NOCT: variants seen among roughly 807,000 people sequenced by gnomAD.
NOCT encodes nocturnin.
Under a neutral mutation model 35.0 loss-of-function variants are expected in NOCT, and 18 were observed. The observed-to-expected ratio is 0.51, with a 90% CI of 0.36 to 0.76. NOCT has a LOEUF of 0.76. Ranked by LOEUF, NOCT falls within the 30% of genes least tolerant of loss-of-function variation. The pLI is 0.01. For missense variants in NOCT, 479 were observed against 541.0 expected (o/e 0.89, Z 1.14); for synonymous variants, 235 against 226.3 (o/e 1.04, Z -0.34).
intron 1 of NOCT, among the ~76,000 whole-genome samples, chr4:139,030,715 T>C (rs1027803295): frequency 6.6e-6 from 1 of 152,216 alleles, no homozygotes; most frequent in African/African-American, 2.4e-5. Flanking sequence ...CTCGTTTGTA[T>C]TGAAGATGGC....
At chr4:139,017,991 A>G (rs540746075) in intron 1 of NOCT, among the ~76,000 whole-genome samples, 6 of 152,084 alleles carry the variant, frequency 3.9e-5, no homozygotes, top group Non-Finnish European at 8.8e-5. Flanking sequence ...GGAAGCCACC[A>G]TGCCCAACTT....
intron 1 of NOCT, among the ~76,000 whole-genome samples, chr4:139,024,547 T>C (rs988183396): frequency 1.3e-5 from 2 of 152,182 alleles, no homozygotes; most frequent in Non-Finnish European, 2.9e-5. Flanking sequence ...GTTTCTCCTT[T>C]AGGCCTCTTT....
intron 1 of NOCT, among the ~76,000 whole-genome samples, chr4:139,016,994 C>G (rs1241442958): frequency 3.7e-5 from 3 of 81,400 alleles, no homozygotes; most frequent in Admixed American, 1.5e-4. Context: ...GAGGCTTCCA[C>G]TCTTTATAGT....
At chr4:139,037,608 A>T (rs1726757766) in intron 1 of NOCT, among the ~76,000 whole-genome samples, 1 of 152,108 alleles carries the variant, frequency 6.6e-6, no homozygotes, top group Admixed American at 6.6e-5. Flanking sequence ...CTCTACTGCA[A>T]ACAGTAGAGC....
At chr4:139,031,723 T>C (rs1726628083) in intron 1 of NOCT, among the ~76,000 whole-genome samples, 1 of 152,030 alleles carries the variant, frequency 6.6e-6, no homozygotes, top group South Asian at 2.1e-4. Context: ...TTTGTTTTGT[T>C]TTGTTTTAGA....
intron 1 of NOCT, among the ~76,000 whole-genome samples, chr4:139,032,413 G>C (rs1015707445): frequency 3.3e-5 from 5 of 152,144 alleles, no homozygotes; most frequent in African/African-American, 4.8e-5. Context: ...CCAACACCTA[G>C]GGAGGCTGAG....
chr4:139,024,276 C>T (rs1429723073), intron 1 of NOCT, among the ~76,000 whole-genome samples: 7 of 152,012 alleles, frequency 4.6e-5, no homozygotes, highest in African/African-American at 1.7e-4. Flanking sequence ...TGGTCTCAAA[C>T]TCCTGGGCTC....
chr4:139,023,545 G>A (rs927433395), intron 1 of NOCT, among the ~76,000 whole-genome samples: 2 of 152,116 alleles, frequency 1.3e-5, no homozygotes, highest in African/African-American at 4.8e-5. Context: ...CCTCAAGCTG[G>A]AGTACGATGG....
chr4:139,017,231 T>A (rs1431796198), intron 1 of NOCT, among the ~76,000 whole-genome samples: 11 of 149,452 alleles, frequency 7.4e-5, no homozygotes, highest in South Asian at 2.1e-4. Context: ...ATAACTTTTT[T>A]TTTTTTTTTT....
chr4:139,037,177 C>T (rs1407878682), intron 1 of NOCT, among the ~76,000 whole-genome samples: 1 of 152,144 alleles, frequency 6.6e-6, no homozygotes, highest in South Asian at 2.1e-4. Context: ...GGGACAGAGA[C>T]AAGACTATAG....
chr4:139,033,836 G>C (rs1324234421), intron 1 of NOCT, among the ~76,000 whole-genome samples: 2 of 151,948 alleles, frequency 1.3e-5, no homozygotes, highest in African/African-American at 2.4e-5. Flanking sequence ...CCAGGCTTAG[G>C]TGATCCTCCT....
At position 139,016,637 on chromosome 4, in the gene NOCT, C is replaced by T. The variant is rs1262301469; in HGVS notation, c.190+466C>T. On this transcript the variant is annotated intron_variant, in intron 1 of 2. Transcript: ENST00000280614. Reference sequence around the variant, plus strand: ...GATAATAACACATTGATTCGTTTTACGTTGTTTTTTTTTTTTTTTTTTTTT... The same window carrying T: ...GATAATAACACATTGATTCGTTTTATGTTGTTTTTTTTTTTTTTTTTTTTT... Among the ~76,000 whole-genome samples the T allele has an allele frequency of 1.4e-4, 10 of 69,278 alleles. No homozygotes were observed. The Admixed American group carries it at 1.8e-3, about 12-fold the overall frequency. The allele number at this position is 69,278 out of a possible 152,430, so 45.4% of individuals were successfully genotyped here.
chr4:139,044,849 G>A lies in NOCT; in HGVS notation c.671G>A (p.Cys224Tyr), dbSNP rs779343116. The A allele has an allele frequency of 6.2e-7, 1 of 1,614,104 alleles. No individual in the cohort carries two copies. The highest frequency in any genetic ancestry group is 8.5e-7 in the Non-Finnish European group (1 of 1,180,012). Reference sequence around the variant, plus strand: ...TTTTTCCCCAAACCCTGGTCACCTTGTCTAGATGTAGAACACAACAATGGA... The same window carrying A: ...TTTTTCCCCAAACCCTGGTCACCTTATCTAGATGTAGAACACAACAATGGA... Reference protein sequence around the residue: ...GTFFPKPWSPCLDVEHNNGPD... With the variant: ...GTFFPKPWSPYLDVEHNNGPD... Residue 224 changes from cysteine (C) to tyrosine (Y), a missense_variant, in exon 3 of 3, where the codon TGT becomes TAT. Cys to Tyr is a radical substitution (Grantham distance 194). Coordinates refer to ENST00000280614, the MANE Select transcript of NOCT (RefSeq NM_012118.4).
intron 1 of NOCT, among the ~76,000 whole-genome samples, chr4:139,035,997 G>A (rs560103949): frequency 1.7e-4 from 26 of 152,136 alleles, no homozygotes; most frequent in Admixed American, 4.6e-4. Flanking sequence ...CTTAAGCATC[G>A]CATATCCAAT....
At chr4:139,021,778 T>TTA (rs397826020) in intron 1 of NOCT, among the ~76,000 whole-genome samples, 20 of 151,206 alleles carry the variant, frequency 1.3e-4, no homozygotes, top group Non-Finnish European at 2.4e-4. Context: ...TTTTTTTTTT[T>TTA]AGACAGTTTT....
intron 1 of NOCT, among the ~76,000 whole-genome samples, chr4:139,034,976 C>T (rs1011160840): frequency 1.3e-5 from 2 of 152,204 alleles, no homozygotes; most frequent in Non-Finnish European, 2.9e-5. Flanking sequence ...TGTGCATTAA[C>T]ATCTCCCAAT....
In NOCT at chr4:139,015,830, CCG is replaced by C; in HGVS notation, c.-151_-150del. 1 of 546,758 alleles carries C rather than the reference CCG, an allele frequency of 1.8e-6. No homozygotes were observed. Among genetic ancestry groups the C allele is most frequent in the South Asian group, 7.9e-5 (1 of 12,628 alleles). 33.9% of individuals were successfully genotyped at this position (546,758 alleles called of 1,614,324 possible). On this transcript the variant is annotated 5_prime_UTR_variant, in exon 1 of 3. Transcript: ENST00000280614. The stretch of plus-strand genomic sequence containing the variant: ...GCACCTCCCTCTCCGGCTCTGCTGC[CCG>C]GGATTTCCCCAGAACCTGCGCCGCG...
chr4:139,028,550 T>G (rs189069746), intron 1 of NOCT, among the ~76,000 whole-genome samples: 1 of 152,362 alleles, frequency 6.6e-6, no homozygotes, highest in East Asian at 1.9e-4. Context: ...GAGGTGCAAC[T>G]CGACCTCTGT....
At chr4:139,019,364 T>C (rs1327485667) in intron 1 of NOCT, among the ~76,000 whole-genome samples, 2 of 152,224 alleles carry the variant, frequency 1.3e-5, no homozygotes, top group Non-Finnish European at 2.9e-5. Context: ...TATGAAGTGC[T>C]TTTTTAAAAT....
Sources: allele counts gnomAD v4.1 joint callset (sites outside exome capture counted in the v4.1 genomes callset), GRCh38; gene constraint gnomAD v4.1.1; transcripts MANE v1.5; gene names NCBI Gene and HGNC (gene_info 2026-07-23, HGNC 2026-07-21).